Variants in ME3 observed in about 807,000 individuals in gnomAD.
ME3 encodes malic enzyme 3.
In ME3, 48 loss-of-function variants were observed where a neutral mutation model predicts 68.9. The ratio of observed to expected loss-of-function variants is 0.70; its 90% CI spans 0.55 to 0.89. The LOEUF (loss-of-function observed/expected upper bound fraction) is 0.89. ME3 is among the 40% of genes least tolerant of loss of function. ME3 has a pLI of 0.00. For synonymous variants in ME3, 320 were observed against 318.8 expected (o/e 1.00, Z -0.04); for missense variants, 675 against 797.4 (o/e 0.85, Z 1.85).
intron 4 of ME3, among the ~76,000 whole-genome samples, chr11:86,548,522 A>T (rs1262465659): frequency 6.6e-6 from 1 of 152,208 alleles, no homozygotes; most frequent in Non-Finnish European, 1.5e-5. Context: ...CCCATTTGTG[A>T]ATCAGAGCTC....
chr11:86,670,104 T>C (rs1946826472), intron 2 of ME3, among the ~76,000 whole-genome samples: 1 of 152,216 alleles, frequency 6.6e-6, no homozygotes. Flanking sequence ...CTTTAATTAC[T>C]GGTGATTGGT....
At chr11:86,513,419 A>G (rs1422096780) in intron 4 of ME3, among the ~76,000 whole-genome samples, 1 of 152,186 alleles carries the variant, frequency 6.6e-6, no homozygotes, top group Non-Finnish European at 1.5e-5. Flanking sequence ...GGATTTTGAG[A>G]TGTCTAGTCC....
chr11:86,514,471 A>G (rs1359817531), intron 4 of ME3, among the ~76,000 whole-genome samples: 1 of 152,300 alleles, frequency 6.6e-6, no homozygotes, highest in South Asian at 2.1e-4. Context: ...GGAGTTCCTG[A>G]GGCTGGAATG....
At chr11:86,454,980 G>A (rs1565800442) in intron 8 of ME3, among the ~76,000 whole-genome samples, 1 of 152,228 alleles carries the variant, frequency 6.6e-6, no homozygotes, top group Non-Finnish European at 1.5e-5. Flanking sequence ...GCCAATAAGT[G>A]CACATTCATC....
chr11:86,470,224 T>TG (rs2138781479), intron 7 of ME3, among the ~76,000 whole-genome samples: 1 of 152,156 alleles, frequency 6.6e-6, no homozygotes, highest in East Asian at 1.9e-4. Context: ...AAGGTGAACT[T>TG]GCTCAACCTG....
intron 2 of ME3, among the ~76,000 whole-genome samples, chr11:86,616,227 A>AT (rs564422332): frequency 2.7e-4 from 41 of 152,264 alleles, no homozygotes; most frequent in Admixed American, 1.7e-3. Context: ...CATTTGTGCT[A>AT]TTTTCTAAAT....
intron 4 of ME3, among the ~76,000 whole-genome samples, chr11:86,519,213 C>T (rs1342813141): frequency 3.3e-5 from 5 of 152,144 alleles, no homozygotes; most frequent in Admixed American, 3.3e-4. Context: ...GGAATTTCAT[C>T]AAGGCAAGTG....
intron 10 of ME3, 127 bp downstream of exon 10, chr11:86,449,762 T>G: frequency 4.4e-6 from 3 of 676,106 alleles, no homozygotes; most frequent in Non-Finnish European, 7.7e-6. Context: ...GCTTTGGAGC[T>G]TAGGCCATTG....
intron 2 of ME3, among the ~76,000 whole-genome samples, chr11:86,650,861 C>T (rs1320787133): frequency 1.3e-5 from 2 of 152,200 alleles, no homozygotes; most frequent in Admixed American, 1.3e-4. Context: ...AAAGGGGTGA[C>T]AGAGGGCACC....
intron 7 of ME3, among the ~76,000 whole-genome samples, chr11:86,471,141 C>CTTTTGTTTTTTTTTTTTTTTTTTTT (rs1950759982): frequency 1.3e-5 from 1 of 75,044 alleles, no homozygotes; most frequent in African/African-American, 6.3e-5. Flanking sequence ...AGGCCCAGAG[C>CTTTTGTTTTTTTTTTTTTTTTTTTT]TTTTTTTTTT....
At chr11:86,559,065 C>G (rs1394817870) in intron 3 of ME3, among the ~76,000 whole-genome samples, 1 of 152,144 alleles carries the variant, frequency 6.6e-6, no homozygotes, top group East Asian at 1.9e-4. Flanking sequence ...AGCCATTCAA[C>G]CTGGGAAGTG....
At chr11:86,641,042 G>A (rs896167714) in intron 2 of ME3, among the ~76,000 whole-genome samples, 1 of 151,186 alleles carries the variant, frequency 6.6e-6, no homozygotes, top group African/African-American at 2.4e-5. Context: ...TCACTGGGGG[G>A]GGGGGTCAAT....
intron 6 of ME3, among the ~76,000 whole-genome samples, chr11:86,491,861 T>C (rs1219784654): frequency 1.3e-5 from 2 of 152,256 alleles, no homozygotes; most frequent in Admixed American, 6.5e-5. Context: ...AACACACTTA[T>C]GCTAAAAAAT....
At chr11:86,577,288 A>T (rs1198640993) in intron 2 of ME3, among the ~76,000 whole-genome samples, 3 of 152,204 alleles carry the variant, frequency 2.0e-5, no homozygotes, top group Non-Finnish European at 4.4e-5. Flanking sequence ...TTGGAGTCAC[A>T]TGCACACACC....
intron 13 of ME3, 70 bp from the exon 14 acceptor site, chr11:86,442,989 AC>A: frequency 8.2e-7 from 1 of 1,223,384 alleles, no homozygotes; most frequent in Non-Finnish European, 1.2e-6. Context: ...CCAACCCGTT[AC>A]CCCAGAGACT....
intron 2 of ME3, among the ~76,000 whole-genome samples, chr11:86,629,160 C>T (rs147228208): frequency 6.6e-6 from 1 of 152,288 alleles, no homozygotes; most frequent in Non-Finnish European, 1.5e-5. Flanking sequence ...GGCCTGGAAA[C>T]TGGAGCCCTG....
At chr11:86,444,923 G>A (rs1949198572) in intron 13 of ME3, among the ~76,000 whole-genome samples, 1 of 152,184 alleles carries the variant, frequency 6.6e-6, no homozygotes, top group Admixed American at 6.5e-5. Flanking sequence ...GTGATAATAA[G>A]TAGATCCAGG....
chr11:86,600,415 A>G (rs903954618), intron 2 of ME3, among the ~76,000 whole-genome samples: 4 of 152,200 alleles, frequency 2.6e-5, no homozygotes, highest in African/African-American at 9.7e-5. Context: ...TCCTAAATAT[A>G]TATGCACCCA....
chr11:86,490,615 C>G (rs1215886126), intron 6 of ME3, among the ~76,000 whole-genome samples: 2 of 152,194 alleles, frequency 1.3e-5, no homozygotes, highest in Non-Finnish European at 2.9e-5. Context: ...GTGGAGAAAA[C>G]AGGATACAAA....
Sources: gnomAD v4.1 joint callset for allele counts (sites outside exome capture counted in the v4.1 genomes callset) on GRCh38, gnomAD v4.1.1 for gene constraint, MANE v1.5 for transcripts, NCBI Gene and HGNC (gene_info 2026-07-23, HGNC 2026-07-21) for gene names.